The following SBF2 variants were observed in gnomAD, a reference collection of about 807,000 sequenced individuals.
SBF2 encodes SET binding factor 2.
In SBF2, 112 loss-of-function variants were observed where a neutral mutation model predicts 225.2. That is an observed-to-expected ratio of 0.50 (90% confidence interval 0.43 to 0.58). SBF2 has a LOEUF of 0.58. Ranked by LOEUF, SBF2 falls within the 20% of genes least tolerant of loss-of-function variation. The pLI is 0.00. For missense variants in SBF2, 1,996 were observed against 2,206.2 expected (o/e 0.90, Z 1.91); for synonymous variants, 763 against 773.3 (o/e 0.99, Z 0.22).
intron 2 of SBF2, among the ~76,000 whole-genome samples, chr11:10,052,394 C>A (rs888195344): frequency 2.6e-5 from 4 of 152,134 alleles, no homozygotes; most frequent in African/African-American, 2.4e-5. Flanking sequence ...TTCACACATA[C>A]CATGCCCATA....
At chr11:9,933,270 G>GAT (rs1253751066) in intron 16 of SBF2, among the ~76,000 whole-genome samples, 1 of 151,786 alleles carries the variant, frequency 6.6e-6, no homozygotes, top group African/African-American at 2.4e-5. Flanking sequence ...GGTTAACAAG[G>GAT]ATATCCAGGA....
intron 19 of SBF2, among the ~76,000 whole-genome samples, 194 bp downstream of exon 19, chr11:9,856,264 G>T (rs1857305900): frequency 1.3e-5 from 2 of 152,192 alleles, no homozygotes; most frequent in African/African-American, 4.8e-5. Context: ...AGAAAGTGTG[G>T]GAAGTGGTTA....
At chr11:9,949,835 C>T (rs1478076506) in intron 16 of SBF2, among the ~76,000 whole-genome samples, 3 of 152,020 alleles carry the variant, frequency 2.0e-5, no homozygotes, top group African/African-American at 2.4e-5. Context: ...ACATAATACA[C>T]CATTTACATA....
intron 22 of SBF2, among the ~76,000 whole-genome samples, chr11:9,847,734 T>C (rs1417857077): frequency 6.6e-6 from 1 of 152,110 alleles, no homozygotes; most frequent in Admixed American, 6.6e-5. Flanking sequence ...TAATTATTTA[T>C]CAAGTACCTG....
Position 10,167,580 on chromosome 11 carries a change from A to G in SBF2, c.141+26322T>C, listed in dbSNP as rs1041680338. Reference sequence around the variant, plus strand: ...AACACTGTGTCTTCTAAATGAATAAATAAATAAATAAATAAAATCTAGTTG... The same window carrying G: ...AACACTGTGTCTTCTAAATGAATAAGTAAATAAATAAATAAAATCTAGTTG... On this transcript the variant is annotated intron_variant, in intron 2 of 39. Transcript: ENST00000256190. Among the ~76,000 whole-genome samples, 3 of 152,210 alleles carry G rather than the reference A, an allele frequency of 2.0e-5. No individual in the cohort carries two copies. The South Asian group carries it at 6.2e-4, about 32-fold the overall frequency.
intron 16 of SBF2, among the ~76,000 whole-genome samples, chr11:9,944,244 G>A (rs1345477184): frequency 1.3e-5 from 2 of 152,176 alleles, no homozygotes; most frequent in Non-Finnish European, 2.9e-5. Flanking sequence ...TCAGGACAGT[G>A]GTTCTAAAGG....
intron 2 of SBF2, among the ~76,000 whole-genome samples, chr11:10,059,329 C>G (rs937241129): frequency 1.3e-5 from 2 of 151,712 alleles, no homozygotes; most frequent in Non-Finnish European, 2.9e-5. Context: ...AAAGATCTAC[C>G]AAGCCAATAA....
chr11:9,841,093 T>C (rs1300765207), intron 25 of SBF2, among the ~76,000 whole-genome samples: 5 of 152,202 alleles, frequency 3.3e-5, no homozygotes, highest in Non-Finnish European at 5.9e-5. Flanking sequence ...GGCAAAGATA[T>C]GGCCCTCTTT....
At chr11:9,865,800 G>A (rs1374045382) in intron 17 of SBF2, among the ~76,000 whole-genome samples, 2 of 150,750 alleles carry the variant, frequency 1.3e-5, no homozygotes, top group Non-Finnish European at 2.9e-5. Flanking sequence ...CAGAGCCAGA[G>A]ATGGGATTTG....
intron 28 of SBF2, among the ~76,000 whole-genome samples, chr11:9,820,374 A>G (rs1446452976): frequency 1.3e-5 from 2 of 152,214 alleles, no homozygotes; most frequent in Non-Finnish European, 2.9e-5. Context: ...CTGATGACAG[A>G]CAGAGAATGT....
intron 28 of SBF2, among the ~76,000 whole-genome samples, chr11:9,820,622 C>T (rs939273722): frequency 6.6e-6 from 1 of 152,160 alleles, no homozygotes; most frequent in Non-Finnish European, 1.5e-5. Context: ...ATTTCCTTAC[C>T]TGACACATTC....
intron 16 of SBF2, among the ~76,000 whole-genome samples, chr11:9,900,462 G>A (rs1861633964): frequency 6.6e-6 from 1 of 151,942 alleles, no homozygotes; most frequent in Non-Finnish European, 1.5e-5. Context: ...CACTCACCCT[G>A]TCACTCTCTT....
At chr11:10,088,086 T>A (rs2134898952) in intron 2 of SBF2, among the ~76,000 whole-genome samples, 1 of 151,792 alleles carries the variant, frequency 6.6e-6, no homozygotes, top group East Asian at 1.9e-4. Flanking sequence ...TGCAGTGGCG[T>A]GATCTCAGCT....
chr11:10,071,261 C>CT (rs1950857364), intron 2 of SBF2, among the ~76,000 whole-genome samples: 1 of 116,664 alleles, frequency 8.6e-6, no homozygotes, highest in Admixed American at 1.0e-4. Flanking sequence ...TTTTCTCTCT[C>CT]TCTCTTTTTT....
At chr11:9,790,391 G>A (rs1208282160) in intron 34 of SBF2, among the ~76,000 whole-genome samples, 165 bp downstream of exon 34, 3 of 152,154 alleles carry the variant, frequency 2.0e-5, no homozygotes, top group Non-Finnish European at 2.9e-5. Flanking sequence ...GTCTCCATTT[G>A]TGTCACAACC....
intron 3 of SBF2, among the ~76,000 whole-genome samples, chr11:10,042,146 C>T (rs1676405372): frequency 6.6e-6 from 1 of 152,066 alleles, no homozygotes; most frequent in African/African-American, 2.4e-5. Context: ...ATTGTAAGTG[C>T]CAAGTGGTAA....
intron 6 of SBF2, among the ~76,000 whole-genome samples, chr11:10,015,623 A>T (rs1190392855): frequency 6.6e-6 from 1 of 152,186 alleles, no homozygotes; most frequent in Non-Finnish European, 1.5e-5. Flanking sequence ...GTAGATTTTG[A>T]CAGAGATGCA....
At chr11:10,148,385 G>T (rs1954987199) in intron 2 of SBF2, among the ~76,000 whole-genome samples, 1 of 152,128 alleles carries the variant, frequency 6.6e-6, no homozygotes, top group South Asian at 2.1e-4. Context: ...ACAAGGCATA[G>T]TCACATAGCC....
At position 10,272,046 on chromosome 11, in the gene SBF2, C is replaced by CCTA. The variant is rs1398248173; in HGVS notation, c.55+21968_55+21969insTAG. 12 of 1,132,058 alleles carry CCTA rather than the reference C, an allele frequency of 1.1e-5. 2 individuals carry two copies. The highest frequency in any genetic ancestry group is 5.2e-5 in the East Asian group (2 of 38,516). The allele number at this position is 1,132,058 out of a possible 1,614,324, so 70.1% of individuals were successfully genotyped here. A position where few individuals can be genotyped will look rare whatever the true frequency, so the allele number is the denominator to read the frequency against. On this transcript the variant is annotated intron_variant, in intron 1 of 39. Coordinates refer to ENST00000256190, the MANE Select transcript of SBF2 (RefSeq NM_030962.4). Reference sequence around the variant, plus strand: ...AAGGCATTCCTCAGCAAACTTCTCTCGAGTCTTCAGAGTAAAGCACAGGAT... The same window carrying CCTA: ...AAGGCATTCCTCAGCAAACTTCTCTCCTAGAGTCTTCAGAGTAAAGCACAGGAT...
Sources: allele counts gnomAD v4.1 joint callset (sites outside exome capture counted in the v4.1 genomes callset), GRCh38; gene constraint gnomAD v4.1.1; transcripts MANE v1.5; gene names NCBI Gene and HGNC (gene_info 2026-07-23, HGNC 2026-07-21).